Variants in ISLR2 observed in about 807,000 individuals in gnomAD.
ISLR2 encodes immunoglobulin superfamily containing leucine rich repeat 2.
In ISLR2, 16 loss-of-function variants were observed where a neutral mutation model predicts 25.5. That is an observed-to-expected ratio of 0.63 (90% CI 0.43 to 0.95). The LOEUF (loss-of-function observed/expected upper bound fraction) is 0.95, where lower values mean the gene tolerates loss of function less well. ISLR2 is among the 40% of genes least tolerant of loss of function. The probability of loss-of-function intolerance (pLI) is 0.00; values close to 1 mark genes in which losing one functional copy is unlikely to be tolerated. For synonymous variants in ISLR2, 508 were observed against 486.6 expected (o/e 1.04, Z -0.58); for missense variants, 883 against 1,030.7 (o/e 0.86, Z 1.96).
chr15:74,141,152 T>G (rs1319037917), downstream of ISLR2, among the ~76,000 whole-genome samples: 1 of 152,238 alleles, frequency 6.6e-6, no homozygotes. Flanking sequence ...TAATTGTGTG[T>G]GCTTTGTTTG....
chr15:74,135,114 A>C lies in ISLR2; in HGVS notation c.*122A>C. 3.3e-6 allele frequency: 4 copies of C among 1,205,462 alleles called. No homozygotes were observed. Among genetic ancestry groups the C allele is most frequent in the African/African-American group, 3.1e-5 (2 of 65,490 alleles). 74.7% of individuals were successfully genotyped at this position (1,205,462 alleles called of 1,614,324 possible). Reference sequence around the variant, plus strand: ...CCTTCACCTACTCCTCCCCCTTACTACTCCCCAACCTTGACTACCAGGGAC... The same window carrying C: ...CCTTCACCTACTCCTCCCCCTTACTCCTCCCCAACCTTGACTACCAGGGAC... On this transcript the variant is annotated 3_prime_UTR_variant, in exon 3 of 3. Coordinates refer to ENST00000453268, the MANE Select transcript of ISLR2 (RefSeq NM_020851.3).
intron 2 of ISLR2, among the ~76,000 whole-genome samples, chr15:74,107,075 A>C (rs2072126674): frequency 6.6e-6 from 1 of 151,632 alleles, no homozygotes; most frequent in South Asian, 2.1e-4. Flanking sequence ...GGGAGCAAGC[A>C]TGGCCCAGGG....
downstream of ISLR2, among the ~76,000 whole-genome samples, chr15:74,137,529 C>G (rs1400304990): frequency 1.3e-5 from 2 of 152,048 alleles, no homozygotes; most frequent in Non-Finnish European, 2.9e-5. Flanking sequence ...ATTTCATAGT[C>G]CTAGAAAGGG....
downstream of ISLR2, among the ~76,000 whole-genome samples, chr15:74,138,067 A>T (rs2072587394): frequency 6.6e-6 from 1 of 151,830 alleles, no homozygotes; most frequent in African/African-American, 2.4e-5. Context: ...TTGTTCCCTG[A>T]TCCTTTAACC....
In ISLR2 at chr15:74,133,369, G is replaced by T. The variant is rs138524196; in HGVS notation, c.615G>T (p.Glu205Asp). The T allele has an allele frequency of 1.2e-5, 19 of 1,607,914 alleles. No homozygotes were observed. In the African/African-American group the frequency reaches 2.4e-4, roughly 20 times the overall value. The part of the protein sequence containing the change: ...WAASTRVSLP[E>D]PDSIACASPP... ...CGAGCACCCGGGTGTCCTTACCCGA[G>T]CCCGACTCCATTGCTTGTGCCTCGC... is the stretch of plus-strand genomic sequence containing the variant. The change falls in exon 3 of 3, where the codon GAG (glutamate) becomes GAT (aspartate). Residue 205 changes from glutamate to aspartate, a missense_variant. Glu to Asp is a conservative substitution (Grantham distance 45). Transcript: ENST00000453268.
At chr15:74,128,698 C>T (rs1369009566), upstream of ISLR2, 1 of 455,528 alleles carries the variant, frequency 2.2e-6, no homozygotes, top group Admixed American at 2.4e-5. Flanking sequence ...CCGCCTGGCG[C>T]CCCTCACTCA....
intron 2 of ISLR2, among the ~76,000 whole-genome samples, chr15:74,109,946 C>G (rs903244518): frequency 2.0e-5 from 3 of 152,166 alleles, no homozygotes; most frequent in Non-Finnish European, 4.4e-5. Context: ...AGACGCATGC[C>G]ACCACGCCCG....
intron 2 of ISLR2, among the ~76,000 whole-genome samples, chr15:74,108,410 C>G (rs1286884363): frequency 6.6e-6 from 1 of 152,164 alleles, no homozygotes; most frequent in African/African-American, 2.4e-5. Flanking sequence ...CTGGGGGCAC[C>G]AGGATACCCT....
Position 74,133,695 on chromosome 15 carries a change from C to T in ISLR2, c.941C>T (p.Ala314Val). The T allele has an allele frequency of 6.2e-7, 1 of 1,607,564 alleles. No individual in the cohort carries two copies. ...GGGGATTTGCTGACGCAGACCCAAGCCCAAACGCCGACTCCAGCACCCGCT... is the reference window on the plus strand; with the variant it reads ...GGGGATTTGCTGACGCAGACCCAAGTCCAAACGCCGACTCCAGCACCCGCT... The part of the protein sequence containing the change: ...GDGDLLTQTQ[A>V]QTPTPAPAWP... The change falls in exon 3 of 3, where the codon GCC (alanine) becomes GTC (valine). Residue 314 changes from alanine to valine, a missense_variant. Physicochemically the swap from Ala to Val is moderately conservative, Grantham distance 64 (BLOSUM62 0). Transcript: ENST00000453268.
At chr15:74,123,334 G>A (rs192519893), upstream of ISLR2, among the ~76,000 whole-genome samples, 8 of 152,216 alleles carry the variant, frequency 5.3e-5, no homozygotes, top group East Asian at 1.5e-3. Flanking sequence ...CAAGGAGGGT[G>A]TCTTCCTGCA....
chr15:74,104,130 TTA>T (rs1388091577), intron 2 of ISLR2, among the ~76,000 whole-genome samples: 2 of 152,236 alleles, frequency 1.3e-5, no homozygotes, highest in Non-Finnish European at 2.9e-5. Context: ...TGTGCTATCA[TTA>T]CCATGATCTA....
Position 74,134,571 on chromosome 15 carries a change from T to C in ISLR2, c.1817T>C (p.Val606Ala). 2 of 1,614,142 alleles carry C rather than the reference T, an allele frequency of 1.2e-6. No homozygotes were observed. Among genetic ancestry groups the C allele is most frequent in the Non-Finnish European group, 1.7e-6 (2 of 1,180,022 alleles). ...VSVFLLVLAT[V>A]PLLGAACCHL... ...GTATTCCTCCTGGTGCTGGCCACAGTGCCCCTTCTGGGCGCCGCCTGCTGC... is the reference window on the plus strand; with the variant it reads ...GTATTCCTCCTGGTGCTGGCCACAGCGCCCCTTCTGGGCGCCGCCTGCTGC... The change falls in exon 3 of 3, where the codon GTG (valine) becomes GCG (alanine). Residue 606 changes from valine to alanine, a missense_variant. Transcript: ENST00000453268.
intron 2 of ISLR2, among the ~76,000 whole-genome samples, chr15:74,120,877 A>G (rs888246749): frequency 3.9e-5 from 6 of 152,302 alleles, no homozygotes; most frequent in Middle Eastern, 3.4e-3. Context: ...ACCAGAAGGC[A>G]TTGTGCTGAC....
chr15:74,141,302 A>G (rs1386227851), downstream of ISLR2, among the ~76,000 whole-genome samples: 1 of 152,260 alleles, frequency 6.6e-6, no homozygotes, highest in Non-Finnish European at 1.5e-5. Flanking sequence ...TTGGCAAATT[A>G]AATGCATTTT....
At chr15:74,120,941 C>T (rs181102826) in intron 2 of ISLR2, among the ~76,000 whole-genome samples, 1 of 152,166 alleles carries the variant, frequency 6.6e-6, no homozygotes, top group African/African-American at 2.4e-5. Context: ...CCTTCCTCTC[C>T]TCTCCTCTGT....
chr15:74,128,209 C>A, upstream of ISLR2: 1 of 318,844 alleles, frequency 3.1e-6, no homozygotes. Flanking sequence ...ATCCAGAAGT[C>A]GCGGCTCCCA....
intron 2 of ISLR2, among the ~76,000 whole-genome samples, chr15:74,119,329 G>A (rs953878477): frequency 3.9e-5 from 6 of 152,004 alleles, no homozygotes; most frequent in African/African-American, 1.5e-4. Flanking sequence ...TTCCACCTCA[G>A]CAGCCCAAGT....
At chr15:74,108,839 G>A (rs1327530831) in intron 2 of ISLR2, among the ~76,000 whole-genome samples, 1 of 152,156 alleles carries the variant, frequency 6.6e-6, no homozygotes, top group African/African-American at 2.4e-5. Context: ...GCCCACAGGA[G>A]GTGCTGGTGG....
intron 2 of ISLR2, among the ~76,000 whole-genome samples, chr15:74,115,254 C>G (rs541926529): frequency 1.3e-5 from 2 of 152,302 alleles, no homozygotes; most frequent in African/African-American, 4.8e-5. Flanking sequence ...TGAAACTGTC[C>G]TAACAAAGAT....
Sources: gnomAD v4.1 joint callset for allele counts (sites outside exome capture counted in the v4.1 genomes callset) on GRCh38, gnomAD v4.1.1 for gene constraint, MANE v1.5 for transcripts, NCBI Gene and HGNC (gene_info 2026-07-23, HGNC 2026-07-21) for gene names.